ATOSA: variants seen among roughly 807,000 people sequenced by gnomAD.
ATOSA encodes atos homolog A.
chr15:52,614,570 G>A, the ATOSA span, among the ~76,000 whole-genome samples: 1 of 151,718 alleles, frequency 6.6e-6, no homozygotes, highest in Non-Finnish European at 1.5e-5. Context: ...TTTTCGGGCC[G>A]GGCGTGGTGG....
chr15:52,644,100 A>C, the ATOSA span, among the ~76,000 whole-genome samples: 2 of 147,438 alleles, frequency 1.4e-5, no homozygotes, highest in East Asian at 3.9e-4. Flanking sequence ...TTTTTTTTTT[A>C]ATTTTTGGAA....
chr15:52,589,545 A>AC, the ATOSA span, among the ~76,000 whole-genome samples: 1 of 151,946 alleles, frequency 6.6e-6, no homozygotes, highest in African/African-American at 2.4e-5. Context: ...AATTTATTTA[A>AC]AAAAACAGCT....
chr15:52,707,818 G>C, the ATOSA span, among the ~76,000 whole-genome samples: 1 of 152,186 alleles, frequency 6.6e-6, no homozygotes, highest in African/African-American at 2.4e-5. Context: ...GAGAGAGTAT[G>C]ATAAAGCAAA....
At chr15:52,648,010 G>T in the ATOSA span, among the ~76,000 whole-genome samples, 1 of 152,136 alleles carries the variant, frequency 6.6e-6, no homozygotes, top group African/African-American at 2.4e-5. Context: ...GAGAAACCTA[G>T]AAGTGTATCT....
At chr15:52,600,230 C>T in the ATOSA span, 14 of 1,592,242 alleles carry the variant, frequency 8.8e-6, no homozygotes, top group South Asian at 6.7e-5. Context: ...TAAACATGGT[C>T]GAGGACTATT....
At chr15:52,699,465 T>C in the ATOSA span, among the ~76,000 whole-genome samples, 1 of 151,724 alleles carries the variant, frequency 6.6e-6, no homozygotes, top group Non-Finnish European at 1.5e-5. Flanking sequence ...GTGCACAAGA[T>C]AGGATTAAAA....
At chr15:52,592,236 G>A in the ATOSA span, among the ~76,000 whole-genome samples, 313 of 152,224 alleles carry the variant, frequency 2.1e-3, no homozygotes, top group Admixed American at 4.0e-3. Context: ...AAGCAGTTGG[G>A]CCAGATAGTA....
chr15:52,650,946 C>A, the ATOSA span, among the ~76,000 whole-genome samples: 1 of 152,132 alleles, frequency 6.6e-6, no homozygotes, highest in Non-Finnish European at 1.5e-5. Context: ...GAGAAAGATA[C>A]AAAAAGACCT....
At chr15:52,590,699 A>C in the ATOSA span, 1 of 152,246 alleles carries the variant, frequency 6.6e-6, no homozygotes. Flanking sequence ...AATAAAGAGA[A>C]TATTCCCTGA....
the ATOSA span, among the ~76,000 whole-genome samples, chr15:52,706,655 A>T: frequency 2.6e-5 from 4 of 152,318 alleles, no homozygotes; most frequent in South Asian, 6.2e-4. Context: ...CAAATAAATA[A>T]GGACAATAAT....
the ATOSA span, among the ~76,000 whole-genome samples, chr15:52,653,229 T>C: frequency 1.2e-4 from 19 of 152,054 alleles, no homozygotes; most frequent in Admixed American, 7.2e-4. Context: ...GATGGAAGTG[T>C]TGGAGTTACT....
At chr15:52,650,183 T>C in the ATOSA span, among the ~76,000 whole-genome samples, 1 of 152,202 alleles carries the variant, frequency 6.6e-6, no homozygotes, top group East Asian at 1.9e-4. Flanking sequence ...TTAACAAACT[T>C]GAGTCCTCTC....
At chr15:52,692,073 TCCTCCATCCC>T in the ATOSA span, among the ~76,000 whole-genome samples, 2 of 151,834 alleles carry the variant, frequency 1.3e-5, no homozygotes, top group South Asian at 4.1e-4. Flanking sequence ...TGAAAAGTAG[TCCTCCATCCC>T]CCCAAAAACA....
At chr15:52,659,102 TA>T in the ATOSA span, among the ~76,000 whole-genome samples, 2 of 152,144 alleles carry the variant, frequency 1.3e-5, no homozygotes, top group Admixed American at 6.5e-5. Flanking sequence ...CCAGCTCTTC[TA>T]AAACATCATA....
the ATOSA span, among the ~76,000 whole-genome samples, chr15:52,704,485 C>G: frequency 6.6e-6 from 1 of 152,124 alleles, no homozygotes; most frequent in African/African-American, 2.4e-5. Context: ...GCAATGGCAA[C>G]AAAACCCAAA....
the ATOSA span, among the ~76,000 whole-genome samples, chr15:52,699,448 C>A: frequency 2.0e-5 from 3 of 151,444 alleles, no homozygotes; most frequent in African/African-American, 7.3e-5. Context: ...CCTTTTAATC[C>A]TATCTTGTGC....
chr15:52,633,847 CTT>C, the ATOSA span, among the ~76,000 whole-genome samples: 1 of 151,988 alleles, frequency 6.6e-6, no homozygotes, highest in Non-Finnish European at 1.5e-5. Flanking sequence ...TAAAATCACT[CTT>C]AAATATAATT....
At chr15:52,681,866 A>G in the ATOSA span, among the ~76,000 whole-genome samples, 1 of 152,214 alleles carries the variant, frequency 6.6e-6, no homozygotes, top group African/African-American at 2.4e-5. Context: ...TTACTTATTA[A>G]GGTGATGAGG....
chr15:52,700,583 C>A, the ATOSA span, among the ~76,000 whole-genome samples: 4 of 152,342 alleles, frequency 2.6e-5, no homozygotes, highest in Non-Finnish European at 4.4e-5. Context: ...TACCTAGAAG[C>A]AACTACCCTT....
Sources: gnomAD v4.1 joint callset for allele counts (sites outside exome capture counted in the v4.1 genomes callset) on GRCh38, gnomAD v4.1.1 for gene constraint, MANE v1.5 for transcripts, NCBI Gene and HGNC (gene_info 2026-07-23, HGNC 2026-07-21) for gene names.